Variants in DENND5B observed in about 807,000 individuals in gnomAD.
The protein encoded by DENND5B is DENN domain containing 5B, also known as DENN domain-containing protein 5B.
DENND5B carries 34 observed loss-of-function variants against 140.6 expected under a neutral mutation model. That is an observed-to-expected ratio of 0.24 (90% CI 0.18 to 0.32). The LOEUF is 0.32. Ranked by LOEUF, DENND5B falls within the 10% of genes least tolerant of loss-of-function variation. The pLI is 1.00. For synonymous variants in DENND5B, 551 were observed against 562.1 expected (o/e 0.98, Z 0.28); for missense variants, 1,142 against 1,560.2 (o/e 0.73, Z 4.52).
intron 1 of DENND5B, among the ~76,000 whole-genome samples, chr12:31,543,163 G>A (rs144481717): frequency 1.1e-3 from 168 of 152,196 alleles, no homozygotes; most frequent in African/African-American, 3.5e-3. Context: ...AGCGTTGACC[G>A]GGCCACTGCA....
At chr12:31,533,887 G>GTT (rs571204281) in intron 1 of DENND5B, among the ~76,000 whole-genome samples, 3 of 142,232 alleles carry the variant, frequency 2.1e-5, no homozygotes, top group Admixed American at 7.1e-5. Context: ...GCTTTTTAGT[G>GTT]TTTTTTTTTT....
Position 31,382,882 on chromosome 12 carries a change from G to T in DENND5B, c.*4721C>A, listed in dbSNP as rs775808595. The T allele has an allele frequency of 6.6e-6, 1 of 152,002 alleles. No individual in the cohort carries two copies. Among genetic ancestry groups the T allele is most frequent in the East Asian group, 1.9e-4 (1 of 5,188 alleles). The allele number at this position is 152,002 out of a possible 1,614,324, so 9.4% of individuals were successfully genotyped here. A position where few individuals can be genotyped will look rare whatever the true frequency, so the allele number is the denominator to read the frequency against. ...TCTTCAAAAAGCTTAGAATTCAGTTGATTCAAGGGATTTATAAATTTATTT... is the reference window on the plus strand; with the variant it reads ...TCTTCAAAAAGCTTAGAATTCAGTTTATTCAAGGGATTTATAAATTTATTT... On this transcript the variant is annotated 3_prime_UTR_variant, in exon 21 of 21. Transcript: ENST00000389082.
At position 31,475,998 on chromosome 12, in the gene DENND5B, C is replaced by T. The variant is rs1054801229; in HGVS notation, c.904+3591G>A. Among the ~76,000 whole-genome samples, 9 of 150,954 alleles carry T rather than the reference C, an allele frequency of 6.0e-5. No homozygotes were observed. The South Asian group carries it at 6.3e-4, about 11-fold the overall frequency. On this transcript the variant is annotated intron_variant, in intron 3 of 20. Transcript: ENST00000389082. ...GAAATTAGCCAGGCATGGTGGTGCGCGCCTGTAGTCCCAGGGACTTGGGAG... is the reference window on the plus strand; with the variant it reads ...GAAATTAGCCAGGCATGGTGGTGCGTGCCTGTAGTCCCAGGGACTTGGGAG...
At chr12:31,503,377 T>C (rs1947083571) in intron 1 of DENND5B, among the ~76,000 whole-genome samples, 1 of 152,030 alleles carries the variant, frequency 6.6e-6, no homozygotes, top group Non-Finnish European at 1.5e-5. Context: ...CTAGGCAACA[T>C]GGTAAAACCC....
chr12:31,499,121 C>T (rs371105261), intron 1 of DENND5B, among the ~76,000 whole-genome samples: 1 of 151,904 alleles, frequency 6.6e-6, no homozygotes, highest in South Asian at 2.1e-4. Context: ...ACAAGTTTTA[C>T]CTCTAACTTA....
intron 17 of DENND5B, among the ~76,000 whole-genome samples, chr12:31,394,813 C>T (rs1941346064): frequency 6.6e-6 from 1 of 152,056 alleles, no homozygotes; most frequent in Non-Finnish European, 1.5e-5. Flanking sequence ...CGGGGTTTCA[C>T]CATGTTAGCC....
intron 7 of DENND5B, among the ~76,000 whole-genome samples, chr12:31,438,136 C>T (rs577222439): frequency 5.9e-5 from 9 of 152,122 alleles, no homozygotes; most frequent in East Asian, 1.9e-4. Context: ...CCACCGTGCC[C>T]GGCTAATTTT....
At chr12:31,412,716 A>C (rs563826233) in intron 13 of DENND5B, among the ~76,000 whole-genome samples, 175 of 152,316 alleles carry the variant, frequency 1.1e-3, no homozygotes, top group Non-Finnish European at 2.1e-3. Flanking sequence ...CTCTCAGAAG[A>C]AGCCCTTTAC....
At chr12:31,467,509 G>A (rs971294) in intron 3 of DENND5B, among the ~76,000 whole-genome samples, 11,877 of 151,928 alleles carry the variant, frequency 0.078, 1,063 homozygotes, top group African/African-American at 0.22. Context: ...GCATGGTGGC[G>A]TGTGCCTGTA....
At chr12:31,410,505 G>T (rs1479193220) in intron 13 of DENND5B, among the ~76,000 whole-genome samples, 1 of 152,096 alleles carries the variant, frequency 6.6e-6, no homozygotes, top group African/African-American at 2.4e-5. Context: ...TCCTGGGCTT[G>T]AGTGTGCCTC....
intron 1 of DENND5B, among the ~76,000 whole-genome samples, chr12:31,510,060 G>T (rs1042396296): frequency 1.3e-5 from 2 of 152,134 alleles, no homozygotes; most frequent in Non-Finnish European, 2.9e-5. Flanking sequence ...TTTTAAGTAC[G>T]ATATCTTATG....
intron 13 of DENND5B, among the ~76,000 whole-genome samples, chr12:31,412,252 A>G (rs1052672236): frequency 6.6e-6 from 1 of 152,064 alleles, no homozygotes. Context: ...CTGACCTCGA[A>G]GAGGGTTTCT....
intron 1 of DENND5B, among the ~76,000 whole-genome samples, chr12:31,555,157 C>G (rs4436626): frequency 0.56 from 84,716 of 151,996 alleles, 24,062 homozygotes; most frequent in East Asian, 0.82. Flanking sequence ...TCCAGTTTTT[C>G]TGCTGTTTTT....
rs187443654 is a variant in DENND5B, at chr12:31,459,591, C to A, written c.1092+603G>T. ...GCGCTTGTAATCCCACCACGCCTGG[C>A]CTATTTTTTTAAACATTTGAAAGTA... On this transcript the variant is annotated intron_variant, in intron 4 of 20. Transcript: ENST00000389082. Among the ~76,000 whole-genome samples the A allele has an allele frequency of 5.3e-5, 8 of 152,222 alleles. No individual in the cohort carries two copies. The East Asian group carries it at 1.5e-3, about 29-fold the overall frequency.
At chr12:31,567,464 T>C (rs1426065145) in intron 1 of DENND5B, among the ~76,000 whole-genome samples, 3 of 149,648 alleles carry the variant, frequency 2.0e-5, no homozygotes, top group Admixed American at 6.7e-5. Flanking sequence ...TCCTCAGAGG[T>C]TGCAGTGAGC....
In DENND5B at chr12:31,386,529, C is replaced by T. The variant is rs942029122; in HGVS notation, c.*1074G>A. On this transcript the variant is annotated 3_prime_UTR_variant, in exon 21 of 21. Coordinates refer to ENST00000389082, the MANE Select transcript of DENND5B (RefSeq NM_144973.4). The stretch of plus-strand genomic sequence containing the variant: ...GAAACACCCAGAAAGGGTTCATTCT[C>T]TCTCTCCTTCTGTTATTTGCATTAT... 2.6e-5 allele frequency: 4 copies of T among 152,228 alleles called. No homozygotes were observed. Among genetic ancestry groups the T allele is most frequent in the Admixed American group, 2.6e-4 (4 of 15,280 alleles). The allele number at this position is 152,228 out of a possible 1,614,324, so 9.4% of individuals were successfully genotyped here. A position where few individuals can be genotyped will look rare whatever the true frequency, so the allele number is the denominator to read the frequency against.
chr12:31,558,708 C>A (rs552996660), intron 1 of DENND5B, among the ~76,000 whole-genome samples: 35 of 152,312 alleles, frequency 2.3e-4, no homozygotes, highest in African/African-American at 8.2e-4. Flanking sequence ...TTGCCTCCTC[C>A]TAAAGGACTG....
intron 3 of DENND5B, among the ~76,000 whole-genome samples, chr12:31,478,699 T>TG (rs1555159245): frequency 3.3e-5 from 5 of 149,492 alleles, no homozygotes; most frequent in Non-Finnish European, 7.4e-5. Context: ...AGAACTTGTC[T>TG]AAAAAAAAAA....
chr12:31,445,874 T>G lies in DENND5B; in HGVS notation c.1861+1664A>C, dbSNP rs568630635. On this transcript the variant is annotated intron_variant, in intron 6 of 20. Coordinates refer to ENST00000389082, the MANE Select transcript of DENND5B (RefSeq NM_144973.4). ...AATACAAAAAATTACCCGAGGGTGG[T>G]GGCACATGCCTATAGTACCAGTTCC... Among the ~76,000 whole-genome samples, 4 of 151,520 alleles carry G rather than the reference T, an allele frequency of 2.6e-5. No individual in the cohort carries two copies. The South Asian group carries it at 8.4e-4, about 32-fold the overall frequency.
Sources: allele counts gnomAD v4.1 joint callset (sites outside exome capture counted in the v4.1 genomes callset), GRCh38; gene constraint gnomAD v4.1.1; transcripts MANE v1.5; gene names NCBI Gene and HGNC (gene_info 2026-07-23, HGNC 2026-07-21).